Variants in DAB2IP observed in about 807,000 individuals in gnomAD.
DAB2IP encodes disabled homolog 2-interacting protein.
In DAB2IP, 28 loss-of-function variants were observed where a neutral mutation model predicts 107.2. That is an observed-to-expected ratio of 0.26 (90% CI 0.19 to 0.36). The LOEUF is 0.36. Ranked by LOEUF, DAB2IP falls within the 10% of genes least tolerant of loss-of-function variation. The pLI is 1.00. For missense variants in DAB2IP, 1,400 were observed against 1,644.7 expected (o/e 0.85, Z 2.57); for synonymous variants, 755 against 706.4 (o/e 1.07, Z -1.09).
upstream of DAB2IP, among the ~76,000 whole-genome samples, chr9:121,650,152 A>G (rs1038068221): frequency 2.6e-5 from 4 of 152,198 alleles, no homozygotes; most frequent in African/African-American, 7.2e-5. Context: ...AAAGGAGGCT[A>G]AGGGTGTCCT....
At chr9:121,767,614 A>G (rs1331331879) in intron 9 of DAB2IP, among the ~76,000 whole-genome samples, 2 of 152,208 alleles carry the variant, frequency 1.3e-5, no homozygotes, top group African/African-American at 4.8e-5. Flanking sequence ...CCTGAAGGCC[A>G]GACAGGGCTG....
At chr9:121,591,378 A>G (rs532801456) in intron 1 of DAB2IP, among the ~76,000 whole-genome samples, 2 of 152,338 alleles carry the variant, frequency 1.3e-5, no homozygotes, top group East Asian at 3.9e-4. Context: ...CTGAGGCACA[A>G]GAATCGCTTG....
chr9:121,773,193 C>T (rs760900959), exon 12 of DAB2IP: 2 of 1,583,508 alleles, frequency 1.3e-6, no homozygotes, highest in South Asian at 2.3e-5. Flanking sequence ...GCCCGGTGAG[C>T]TGGCACGGCG....
chr9:121,664,651 T>G (rs1833344815), intron 1 of DAB2IP, among the ~76,000 whole-genome samples: 1 of 152,210 alleles, frequency 6.6e-6, no homozygotes, highest in Non-Finnish European at 1.5e-5. Flanking sequence ...GTGGCTGAGA[T>G]TTTACTTTAC....
rs539417968 is a variant in DAB2IP at position 121,600,071 on chromosome 9, G to A, written c.40+32843G>A. On this transcript the variant is annotated intron_variant, in intron 1 of 16. Coordinates refer to the DAB2IP transcript ENST00000259371. ...AGAGTACAATACAGGGGATCGCGAG[G>A]AAGGCGCCCCCAGCTGGGGCCCGCG... Among the ~76,000 whole-genome samples the A allele has an allele frequency of 1.1e-4, 16 of 152,082 alleles. 1 individual carries two copies. Among genetic ancestry groups the A allele is most frequent in the Non-Finnish European group, 5.9e-5 (4 of 67,976 alleles).
At chr9:121,592,347 C>G (rs1221880865) in intron 1 of DAB2IP, among the ~76,000 whole-genome samples, 1 of 150,878 alleles carries the variant, frequency 6.6e-6, no homozygotes, top group Non-Finnish European at 1.5e-5. Context: ...GCCTAGGTGA[C>G]AGAGCAAGAC....
intron 4 of DAB2IP, among the ~76,000 whole-genome samples, chr9:121,757,719 A>G (rs1199057558): frequency 6.6e-6 from 1 of 152,150 alleles, no homozygotes; most frequent in Non-Finnish European, 1.5e-5. Flanking sequence ...ATCAGAGGTC[A>G]CACAGCAAGG....
At chr9:121,574,711 T>G (rs761294359) in intron 1 of DAB2IP, among the ~76,000 whole-genome samples, 8 of 152,086 alleles carry the variant, frequency 5.3e-5, no homozygotes, top group Non-Finnish European at 1.0e-4. Context: ...TTTCTCCACT[T>G]TGGGCTGCTC....
chr9:121,628,117 T>C (rs1273167574), intron 1 of DAB2IP, among the ~76,000 whole-genome samples: 1 of 152,256 alleles, frequency 6.6e-6, no homozygotes, highest in African/African-American at 2.4e-5. Context: ...TGCCTTGGCC[T>C]TGGGCTTGGG....
At position 121,773,009 on chromosome 9, in the gene DAB2IP, C is replaced by T. The variant is rs35706546; in HGVS notation, c.2481C>T (p.Ser827=). 2.2e-3 allele frequency: 3,494 copies of T among 1,611,470 alleles called. 61 individuals are homozygous for T. In the African/African-American group the frequency reaches 0.04, roughly 19 times the overall value. ...GGCCCCAGCTGTTGGCACCGCTCTC[C>T]TTCCAGAACCCTGTGTACCAGATGG... Residue 827 remains serine (S), a synonymous_variant, in exon 12 of 16, where the codon TCC becomes TCT. Coordinates refer to ENST00000408936, the Ensembl canonical transcript of DAB2IP.
intron 6 of DAB2IP, among the ~76,000 whole-genome samples, chr9:121,762,142 G>C (rs904589623): frequency 6.6e-6 from 1 of 152,134 alleles, no homozygotes; most frequent in Non-Finnish European, 1.5e-5. Context: ...CCCCTCTTCC[G>C]TCTCCACGGC....
chr9:121,593,328 C>T (rs998378705), intron 1 of DAB2IP, among the ~76,000 whole-genome samples: 19 of 152,142 alleles, frequency 1.2e-4, no homozygotes, highest in Admixed American at 6.5e-5. Context: ...AGTGCAATGG[C>T]GTGGACATGA....
chr9:121,737,278 T>C, intron 3 of DAB2IP: 1 of 985,480 alleles, frequency 1.0e-6, no homozygotes, highest in Non-Finnish European at 1.2e-6. Context: ...TTCTTGGACC[T>C]GGAGGTTGTG....
intron 3 of DAB2IP, among the ~76,000 whole-genome samples, chr9:121,730,394 C>G (rs1831458341): frequency 6.6e-6 from 1 of 152,226 alleles, no homozygotes; most frequent in African/African-American, 2.4e-5. Context: ...GTTGCTGGGC[C>G]CTGCACTGCC....
At chr9:121,657,461 C>A (rs1299783386) in intron 1 of DAB2IP, among the ~76,000 whole-genome samples, 3 of 152,314 alleles carry the variant, frequency 2.0e-5, no homozygotes, top group Non-Finnish European at 4.4e-5. Context: ...GCCAAGAGCT[C>A]CCCCTGATTA....
intron 1 of DAB2IP, among the ~76,000 whole-genome samples, chr9:121,567,561 G>T (rs889352699): frequency 1.3e-5 from 2 of 152,226 alleles, no homozygotes; most frequent in African/African-American, 4.8e-5. Flanking sequence ...CTCGCTGTTC[G>T]CCAGGCCTGC....
intron 2 of DAB2IP, among the ~76,000 whole-genome samples, chr9:121,687,670 T>C (rs112267724): frequency 1.7e-3 from 252 of 152,292 alleles, no homozygotes; most frequent in African/African-American, 5.6e-3. Context: ...TCAGGCCCTG[T>C]GCTGAGCACT....
chr9:121,662,019 A>G lies in DAB2IP; in HGVS notation c.124+10120A>G, dbSNP rs1833230570. ...AAAAAAACCCAACTCCTAAGATTAC[A>G]AAAAGCAGTAAATATCTATTACAGA... On this transcript the variant is annotated intron_variant, in intron 1 of 15. Coordinates refer to ENST00000408936, the Ensembl canonical transcript of DAB2IP. This position sits in a 1 kb window ranked among gnomAD's most constrained non-coding sequence, Gnocchi z 4.6. 6.6e-6 allele frequency among the ~76,000 whole-genome samples: 1 copy of G among 152,128 alleles called. No homozygotes were observed. Among genetic ancestry groups the G allele is most frequent in the South Asian group, 2.1e-4 (1 of 4,824 alleles).
chr9:121,598,204 C>T, intron 1 of DAB2IP: 1 of 152,316 alleles, frequency 6.6e-6, no homozygotes, highest in Non-Finnish European at 1.5e-5. Context: ...TGCGAAGGAT[C>T]AGCTTTCAGC....
Sources: allele counts gnomAD v4.1 joint callset (sites outside exome capture counted in the v4.1 genomes callset), GRCh38; gene constraint gnomAD v4.1.1; non-coding constraint Gnocchi (gnomAD v3.1); transcripts MANE v1.5; gene names NCBI Gene and HGNC (gene_info 2026-07-23, HGNC 2026-07-21).